Variants in CALN1 observed in about 807,000 individuals in gnomAD.
The protein encoded by CALN1 is calneuron 1, also known as calcium-binding protein 8.
CALN1 carries 17 observed loss-of-function variants against 30.6 expected under a neutral mutation model. The observed-to-expected ratio is 0.56, with a 90% confidence interval of 0.38 to 0.83. CALN1 has a LOEUF of 0.83. Among genes scored for constraint, CALN1 ranks in the 40% least tolerant of loss-of-function variants. The pLI, the probability that CALN1 is intolerant of heterozygous loss-of-function variation, is 0.00. For missense variants in CALN1, 291 were observed against 354.9 expected (o/e 0.82, Z 1.45); for synonymous variants, 156 against 131.4 (o/e 1.19, Z -1.28).
chr7:72,382,444 CTGT>C (rs773472578), intron 2 of CALN1, among the ~76,000 whole-genome samples: 3 of 152,178 alleles, frequency 2.0e-5, no homozygotes, highest in Non-Finnish European at 4.4e-5. Context: ...TTCCTGGTGA[CTGT>C]TATTAGAATT....
At chr7:71,922,584 A>G (rs1795008435) in intron 5 of CALN1, among the ~76,000 whole-genome samples, 1 of 137,378 alleles carries the variant, frequency 7.3e-6, no homozygotes, top group Admixed American at 7.8e-5. Flanking sequence ...TAACACACAG[A>G]ATGTATTATA....
At chr7:72,096,092 A>T (rs181684156) in intron 4 of CALN1, among the ~76,000 whole-genome samples, 1 of 121,668 alleles carries the variant, frequency 8.2e-6, no homozygotes, top group Non-Finnish European at 1.8e-5. Context: ...TAGATAGATA[A>T]AGATAGATAG....
At chr7:72,384,841 A>C (rs991438257) in intron 2 of CALN1, among the ~76,000 whole-genome samples, 6 of 152,196 alleles carry the variant, frequency 3.9e-5, no homozygotes, top group Admixed American at 2.0e-4. Context: ...ATTTAAAAAG[A>C]TACTTTTAAG....
At chr7:72,034,514 C>T (rs538328612) in intron 4 of CALN1, among the ~76,000 whole-genome samples, 15 of 151,578 alleles carry the variant, frequency 9.9e-5, no homozygotes, top group East Asian at 3.9e-4. Context: ...AGGATGTGCC[C>T]GGGAACGGTG....
intron 2 of CALN1, among the ~76,000 whole-genome samples, chr7:72,399,224 G>T (rs1806176584): frequency 6.6e-6 from 1 of 150,832 alleles, no homozygotes; most frequent in African/African-American, 2.4e-5. Flanking sequence ...GGGAAGGGTG[G>T]TGTCCCTACC....
At chr7:72,174,503 A>T (rs1021918513) in intron 3 of CALN1, among the ~76,000 whole-genome samples, 1 of 152,168 alleles carries the variant, frequency 6.6e-6, no homozygotes, top group South Asian at 2.1e-4. Flanking sequence ...TAAACAAAAA[A>T]CACAAACGTC....
intron 5 of CALN1, among the ~76,000 whole-genome samples, chr7:71,951,833 CAA>C (rs1326344101): frequency 6.6e-6 from 1 of 152,138 alleles, no homozygotes; most frequent in Non-Finnish European, 1.5e-5. Flanking sequence ...GATTTGAAAT[CAA>C]AGTCTTTGAC....
the CALN1 span, among the ~76,000 whole-genome samples, chr7:72,487,504 G>T: frequency 6.6e-6 from 1 of 151,362 alleles, no homozygotes; most frequent in Non-Finnish European, 1.5e-5. Context: ...TAGCCAACAT[G>T]GTGACACCCC....
chr7:72,428,789 A>G (rs1223042245), intron 1 of CALN1, among the ~76,000 whole-genome samples: 5 of 152,242 alleles, frequency 3.3e-5, no homozygotes, highest in African/African-American at 1.2e-4. Flanking sequence ...GCTTGAGTCC[A>G]GGAGTTCAAG....
At chr7:71,823,445 A>G (rs560454728) in intron 5 of CALN1, among the ~76,000 whole-genome samples, 15 of 152,172 alleles carry the variant, frequency 9.9e-5, no homozygotes, top group African/African-American at 3.6e-4. Flanking sequence ...TTGGGCCGGG[A>G]GCGGTGGCTC....
chr7:72,456,636 G>A, the CALN1 span, among the ~76,000 whole-genome samples: 9 of 152,232 alleles, frequency 5.9e-5, no homozygotes, highest in South Asian at 2.1e-4. Context: ...CAGACTGCTT[G>A]AGCCCAAGAA....
chr7:71,971,953 A>AAAAAAAAAAAG (rs1797839188), intron 5 of CALN1, among the ~76,000 whole-genome samples: 1 of 72,838 alleles, frequency 1.4e-5, no homozygotes, highest in Non-Finnish European at 2.2e-5. Flanking sequence ...AAAAAAAAAA[A>AAAAAAAAAAAG]AAAGAAAGAA....
intron 3 of CALN1, among the ~76,000 whole-genome samples, chr7:72,108,542 C>T (rs1412830816): frequency 6.6e-6 from 1 of 152,200 alleles, no homozygotes; most frequent in Admixed American, 6.5e-5. Flanking sequence ...ATGTTGACTT[C>T]TGACAAACTC....
chr7:71,972,514 C>A (rs748826795), intron 5 of CALN1, among the ~76,000 whole-genome samples: 1 of 152,058 alleles, frequency 6.6e-6, no homozygotes, highest in Non-Finnish European at 1.5e-5. Flanking sequence ...GCAGAAAGAA[C>A]AGACCTAAAG....
the CALN1 span, among the ~76,000 whole-genome samples, chr7:72,467,644 C>T: frequency 3.3e-5 from 5 of 152,170 alleles, no homozygotes; most frequent in Non-Finnish European, 5.9e-5. Context: ...TCCATAGCCC[C>T]GACCCAACCC....
chr7:72,306,232 G>A (rs1462906051), intron 2 of CALN1, among the ~76,000 whole-genome samples: 1 of 152,094 alleles, frequency 6.6e-6, no homozygotes, highest in Non-Finnish European at 1.5e-5. Flanking sequence ...TGTCCTTTGT[G>A]GGGGAAAATG....
At chr7:72,300,444 A>G (rs1799179602) in intron 2 of CALN1, among the ~76,000 whole-genome samples, 1 of 152,200 alleles carries the variant, frequency 6.6e-6, no homozygotes, top group Admixed American at 6.5e-5. Flanking sequence ...AAGAAAAAAA[A>G]ACAGTTAAAA....
At chr7:71,902,249 CAACCAACCAACCAACCAATCA>C (rs1254720372) in intron 5 of CALN1, among the ~76,000 whole-genome samples, 1 of 131,496 alleles carries the variant, frequency 7.6e-6, no homozygotes, top group Non-Finnish European at 1.6e-5. Flanking sequence ...ACCAACCAAC[CAACCAACCAACCAACCAATCA>C]AAAAAAAAAA....
intron 3 of CALN1, among the ~76,000 whole-genome samples, chr7:72,270,958 C>T (rs1348703989): frequency 6.6e-6 from 1 of 152,014 alleles, no homozygotes; most frequent in African/African-American, 2.4e-5. Flanking sequence ...AAGGCAATAC[C>T]AATGTGGTCA....
Sources: allele counts gnomAD v4.1 joint callset (sites outside exome capture counted in the v4.1 genomes callset), GRCh38; gene constraint gnomAD v4.1.1; transcripts MANE v1.5; gene names NCBI Gene and HGNC (gene_info 2026-07-23, HGNC 2026-07-21).